WWC2: variants seen among roughly 807,000 people sequenced by gnomAD.
WWC2 encodes WW and C2 domain containing 2, also known as protein WWC2.
A neutral mutation model predicts 138.5 loss-of-function variants in WWC2; 101 were observed. The observed-to-expected ratio is 0.73, with a 90% CI of 0.62 to 0.86. The LOEUF (loss-of-function observed/expected upper bound fraction) is 0.86, where lower values mean the gene tolerates loss of function less well. Among genes scored for constraint, WWC2 ranks in the 40% least tolerant of loss-of-function variants. WWC2 has a pLI of 0.00. For missense variants in WWC2, 1,420 were observed against 1,419.4 expected (o/e 1.00, Z -0.01); for synonymous variants, 558 against 538.4 (o/e 1.04, Z -0.50).
chr4:183,275,101 A>T (rs10015974), intron 16 of WWC2, among the ~76,000 whole-genome samples: 3 of 151,866 alleles, frequency 2.0e-5, no homozygotes, highest in African/African-American at 7.3e-5. Context: ...CTCTCCAGCC[A>T]CTGTGGAACT....
At chr4:183,273,485 G>T (rs961373008) in intron 16 of WWC2, among the ~76,000 whole-genome samples, 2 of 151,966 alleles carry the variant, frequency 1.3e-5, no homozygotes, top group African/African-American at 4.8e-5. Flanking sequence ...TGTATTTTTA[G>T]TAGAGACGGG....
Position 183,205,776 on chromosome 4 carries a change from C to T in WWC2, c.242-2177C>T, listed in dbSNP as rs1399667728. Among the ~76,000 whole-genome samples the T allele has an allele frequency of 2.6e-5, 4 of 152,076 alleles. No individual in the cohort carries two copies. In the East Asian group the frequency reaches 5.8e-4, roughly 22 times the overall value. ...CTTTGCTGTGGTCTCCACTGGATTCCCTAGATGTTCACTGTGGCCTTTCTC... is the reference window on the plus strand; with the variant it reads ...CTTTGCTGTGGTCTCCACTGGATTCTCTAGATGTTCACTGTGGCCTTTCTC... On this transcript the variant is annotated intron_variant, in intron 2 of 22. Coordinates refer to ENST00000403733, the MANE Select transcript of WWC2 (RefSeq NM_024949.6).
chr4:183,189,145 A>T (rs1409334296), intron 1 of WWC2, among the ~76,000 whole-genome samples: 1 of 151,698 alleles, frequency 6.6e-6, no homozygotes, highest in Non-Finnish European at 1.5e-5. Context: ...TGATAGATAG[A>T]AGTTGTTGGC....
chr4:183,250,835 T>C (rs888345724), intron 8 of WWC2, among the ~76,000 whole-genome samples: 3 of 152,214 alleles, frequency 2.0e-5, no homozygotes, highest in Non-Finnish European at 2.9e-5. Flanking sequence ...CCCATGACCA[T>C]GAAAAGCTCA....
intron 2 of WWC2, among the ~76,000 whole-genome samples, chr4:183,200,500 ATC>A (rs1464241837): frequency 1.3e-5 from 2 of 152,142 alleles, no homozygotes; most frequent in East Asian, 3.9e-4. Flanking sequence ...AATATTTATT[ATC>A]TCATGGTTTC....
chr4:183,277,394 G>A lies in WWC2; in HGVS notation c.2563-3382G>A, dbSNP rs200967116. 5.8e-4 allele frequency among the ~76,000 whole-genome samples: 85 copies of A among 146,590 alleles called. 1 individual carries two copies. In the East Asian group the frequency reaches 0.011, roughly 19 times the overall value. On this transcript the variant is annotated intron_variant, in intron 16 of 22. Coordinates refer to ENST00000403733, the MANE Select transcript of WWC2 (RefSeq NM_024949.6). ...CCAGTCTATCATTTTTGGACATTTG[G>A]GTTGGTTCCAAGTCTTTGCTATTGT... is the stretch of plus-strand genomic sequence containing the variant.
intron 1 of WWC2, among the ~76,000 whole-genome samples, chr4:183,154,191 GGAGACAGGCA>G (rs1733731740): frequency 6.6e-6 from 1 of 152,226 alleles, no homozygotes; most frequent in African/African-American, 2.4e-5. Context: ...TATGGACTCT[GGAGACAGGCA>G]GACTGCCTGC....
intron 14 of WWC2, among the ~76,000 whole-genome samples, chr4:183,266,690 A>G (rs964506801): frequency 2.6e-5 from 4 of 152,214 alleles, no homozygotes; most frequent in Admixed American, 6.5e-5. Context: ...CGGAATATGC[A>G]TGTCCACTCT....
In WWC2 at chr4:183,164,285, TATATATATA is replaced by T. The variant is rs1262807639; in HGVS notation, c.132-29313_132-29305del. On this transcript the variant is annotated intron_variant, in intron 1 of 22. Coordinates refer to ENST00000403733, the MANE Select transcript of WWC2 (RefSeq NM_024949.6). ...GTGCGCATATATATATATATATATA[TATATATATA>T]TATATACATATATATATTATATATA... 5.5e-4 allele frequency among the ~76,000 whole-genome samples: 7 copies of T among 12,738 alleles called. No individual in the cohort carries two copies. In the East Asian group the frequency reaches 0.026, roughly 47 times the overall value. 8.4% of individuals were successfully genotyped at this position (12,738 alleles called of 152,430 possible).
chr4:183,134,952 G>A (rs573213613), intron 1 of WWC2, among the ~76,000 whole-genome samples: 10 of 146,164 alleles, frequency 6.8e-5, no homozygotes, highest in Non-Finnish European at 1.2e-4. Flanking sequence ...TTTTAAATTC[G>A]AGAGAGTCTT....
chr4:183,223,771 C>T (rs114164044), intron 4 of WWC2, among the ~76,000 whole-genome samples: 1,696 of 152,166 alleles, frequency 0.011, 37 homozygotes, highest in African/African-American at 0.039. Flanking sequence ...AGAAGTCTTA[C>T]CCAGGCTGAA....
chr4:183,103,727 G>T (rs189597300), intron 1 of WWC2, among the ~76,000 whole-genome samples: 29 of 144,244 alleles, frequency 2.0e-4, no homozygotes, highest in African/African-American at 7.5e-4. Flanking sequence ...AACCTCCGCC[G>T]CCTGGGTTCA....
chr4:183,121,991 T>C (rs1027158375), intron 1 of WWC2, among the ~76,000 whole-genome samples: 1 of 152,030 alleles, frequency 6.6e-6, no homozygotes, highest in Non-Finnish European at 1.5e-5. Flanking sequence ...TTCACTGTGT[T>C]AGCCAGGATG....
chr4:183,191,112 C>T (rs923914410), intron 1 of WWC2, among the ~76,000 whole-genome samples: 6 of 151,808 alleles, frequency 4.0e-5, no homozygotes, highest in African/African-American at 9.7e-5. Flanking sequence ...TATCTAGTTG[C>T]TTTATTGAGG....
At chr4:183,211,846 G>T (rs1735607419) in intron 4 of WWC2, among the ~76,000 whole-genome samples, 2 of 151,200 alleles carry the variant, frequency 1.3e-5, no homozygotes, top group African/African-American at 4.9e-5. Flanking sequence ...TTTTTTGGCG[G>T]AGTCTTGCTC....
At chr4:183,123,477 G>A (rs929728011) in intron 1 of WWC2, among the ~76,000 whole-genome samples, 2 of 151,088 alleles carry the variant, frequency 1.3e-5, no homozygotes, top group Admixed American at 1.3e-4. Context: ...AAGGCATATA[G>A]CATTTATGGA....
chr4:183,189,578 GTTCTC>G (rs1016352785), intron 1 of WWC2, among the ~76,000 whole-genome samples: 3 of 152,184 alleles, frequency 2.0e-5, no homozygotes, highest in African/African-American at 7.2e-5. Context: ...CTTCCTCCCT[GTTCTC>G]TTAGAGCAAT....
At chr4:183,247,662 T>TAC (rs1444539908) in intron 6 of WWC2, among the ~76,000 whole-genome samples, 1 of 141,400 alleles carries the variant, frequency 7.1e-6, no homozygotes, top group Non-Finnish European at 1.5e-5. Flanking sequence ...ATACTATATA[T>TAC]ACTATATATT....
At chr4:183,232,434 C>G (rs1048791746) in intron 4 of WWC2, among the ~76,000 whole-genome samples, 1 of 152,180 alleles carries the variant, frequency 6.6e-6, no homozygotes, top group African/African-American at 2.4e-5. Flanking sequence ...CCACACCTCC[C>G]TCCTCCATCC....
Sources: gnomAD v4.1 joint callset for allele counts (sites outside exome capture counted in the v4.1 genomes callset) on GRCh38, gnomAD v4.1.1 for gene constraint, MANE v1.5 for transcripts, NCBI Gene and HGNC (gene_info 2026-07-23, HGNC 2026-07-21) for gene names.